Variants in PTPRQ observed in about 807,000 individuals in gnomAD.
PTPRQ encodes phosphatidylinositol phosphatase PTPRQ.
PTPRQ carries 199 observed loss-of-function variants against 246.0 expected under a neutral mutation model. That is an observed-to-expected ratio of 0.81 (90% confidence interval 0.72 to 0.91). PTPRQ has a LOEUF of 0.91. Ranked by LOEUF, PTPRQ falls within the 40% of genes least tolerant of loss-of-function variation. The pLI is 0.00. For missense variants in PTPRQ, 2,624 were observed against 2,528.4 expected (o/e 1.04, Z -0.81); for synonymous variants, 869 against 853.2 (o/e 1.02, Z -0.32).
chr12:80,543,936 G>C (rs975425531), intron 23 of PTPRQ, among the ~76,000 whole-genome samples: 1 of 152,042 alleles, frequency 6.6e-6, no homozygotes, highest in Admixed American at 6.6e-5. Context: ...TGCTTTGTCT[G>C]TATGGGTCAC....
At chr12:80,570,218 G>A (rs893283671) in intron 25 of PTPRQ, among the ~76,000 whole-genome samples, 2 of 152,124 alleles carry the variant, frequency 1.3e-5, no homozygotes, top group Non-Finnish European at 2.9e-5. Flanking sequence ...AAGTGTTCCT[G>A]TTTCTCCACA....
At chr12:80,457,229 A>G (rs1051209669) in intron 3 of PTPRQ, among the ~76,000 whole-genome samples, 10 of 152,098 alleles carry the variant, frequency 6.6e-5, no homozygotes, top group African/African-American at 2.4e-4. Context: ...CATTTGTTAC[A>G]GAAATAATTG....
At chr12:80,457,228 C>T (rs1188768391) in intron 3 of PTPRQ, among the ~76,000 whole-genome samples, 1 of 151,890 alleles carries the variant, frequency 6.6e-6, no homozygotes, top group African/African-American at 2.4e-5. Flanking sequence ...GCATTTGTTA[C>T]AGAAATAATT....
At chr12:80,648,506 G>A (rs1200998152) in intron 35 of PTPRQ, among the ~76,000 whole-genome samples, 1 of 151,866 alleles carries the variant, frequency 6.6e-6, no homozygotes, top group Non-Finnish European at 1.5e-5. Flanking sequence ...ATTCTGTCTG[G>A]TTCAACACTT....
chr12:80,546,224 C>T (rs1016880103), intron 23 of PTPRQ, among the ~76,000 whole-genome samples: 3 of 151,648 alleles, frequency 2.0e-5, no homozygotes, highest in African/African-American at 2.4e-5. Context: ...GAGGCTGAGG[C>T]AGGGAGAATG....
In PTPRQ at chr12:80,576,713, T is replaced by A. The variant is rs541307699; in HGVS notation, c.4286-11416T>A. Among the ~76,000 whole-genome samples the A allele has an allele frequency of 1.1e-4, 16 of 152,244 alleles. 2 individuals carry two copies. The highest frequency in any genetic ancestry group is 3.9e-4 in the African/African-American group (16 of 41,542). ...CTATTGATATAGACTCAATTCTTCA[T>A]CTCTGGTGTTTTGATAATATGAGTA... On this transcript the variant is annotated intron_variant, in intron 25 of 44. Coordinates refer to ENST00000644991, the MANE Select transcript of PTPRQ (RefSeq NM_001145026.2).
At chr12:80,471,627 G>T (rs1252881784) in intron 7 of PTPRQ, among the ~76,000 whole-genome samples, 1 of 130,088 alleles carries the variant, frequency 7.7e-6, no homozygotes, top group Non-Finnish European at 1.6e-5. Context: ...ACAGGCGCGC[G>T]CCACTACGCC....
At chr12:80,667,660 G>A (rs932556677) in intron 39 of PTPRQ, among the ~76,000 whole-genome samples, 7 of 151,922 alleles carry the variant, frequency 4.6e-5, no homozygotes, top group Non-Finnish European at 8.8e-5. Flanking sequence ...ATTCAGTGGA[G>A]AATGTGCATA....
chr12:80,499,321 G>A (rs1894726278), intron 14 of PTPRQ, among the ~76,000 whole-genome samples: 1 of 151,908 alleles, frequency 6.6e-6, no homozygotes, highest in Non-Finnish European at 1.5e-5. Context: ...CTCAAGTTCT[G>A]TGCATTTTCC....
Position 80,660,359 on chromosome 12 carries a change from G to A in PTPRQ, c.6192+2298G>A, listed in dbSNP as rs188980999. Among the ~76,000 whole-genome samples, 6 of 152,164 alleles carry A rather than the reference G, an allele frequency of 3.9e-5. No homozygotes were observed. In the East Asian group the frequency reaches 1.2e-3, roughly 29 times the overall value. The stretch of plus-strand genomic sequence containing the variant: ...TAACTAGGTTAACATGCCAATGTGT[G>A]TTTTCCTCTGCCGTTGGCCATTCTC... On this transcript the variant is annotated intron_variant, in intron 39 of 44. Coordinates refer to ENST00000644991, the MANE Select transcript of PTPRQ (RefSeq NM_001145026.2).
chr12:80,459,209 T>A (rs535217333), intron 4 of PTPRQ, 75 bp from the exon 5 acceptor site: 41 of 397,130 alleles, frequency 1.0e-4, no homozygotes, highest in Non-Finnish European at 1.8e-4. Context: ...TAATTTCATG[T>A]ACCATGAAAT....
At chr12:80,535,341 C>T (rs1183806075) in intron 19 of PTPRQ, among the ~76,000 whole-genome samples, 2 of 152,106 alleles carry the variant, frequency 1.3e-5, no homozygotes, top group Non-Finnish European at 2.9e-5. Context: ...AATTACACTT[C>T]CTCCAATAAG....
chr12:80,590,769 C>T (rs1163114120), intron 26 of PTPRQ, among the ~76,000 whole-genome samples: 1 of 151,124 alleles, frequency 6.6e-6, no homozygotes, highest in Non-Finnish European at 1.5e-5. Context: ...TATGACCTGG[C>T]TTTTACCTTA....
chr12:80,460,305 T>G (rs1165879700), intron 5 of PTPRQ, among the ~76,000 whole-genome samples: 1 of 152,198 alleles, frequency 6.6e-6, no homozygotes, highest in Non-Finnish European at 1.5e-5. Flanking sequence ...GAAAGCAGCA[T>G]TTGAACATAC....
intron 3 of PTPRQ, among the ~76,000 whole-genome samples, chr12:80,450,944 G>A (rs1248673486): frequency 2.6e-5 from 4 of 152,216 alleles, no homozygotes. Flanking sequence ...AATAGTTTCA[G>A]AAGGAATAGT....
chr12:80,503,141 T>G (rs1894854672), intron 14 of PTPRQ, among the ~76,000 whole-genome samples: 1 of 151,818 alleles, frequency 6.6e-6, no homozygotes, highest in Admixed American at 6.6e-5. Flanking sequence ...TTAGTGAGAC[T>G]ATGGTAGAAA....
rs541931844 is a variant in PTPRQ at position 80,480,559 on chromosome 12, C to A, written c.1187-3874C>A. Among the ~76,000 whole-genome samples, 819 of 145,258 alleles carry A rather than the reference C, an allele frequency of 5.6e-3. 12 individuals are homozygous for A. The highest frequency in any genetic ancestry group is 0.02 in the African/African-American group (794 of 38,938). ...TGAAGGAAACAGAGACACAAAAAAC[C>A]CTTCAAAAAATCAATGAATCCAGGA... On this transcript the variant is annotated intron_variant, in intron 8 of 44. Coordinates refer to ENST00000644991, the MANE Select transcript of PTPRQ (RefSeq NM_001145026.2).
chr12:80,674,111 T>C (rs1901060372), intron 43 of PTPRQ, among the ~76,000 whole-genome samples: 1 of 152,136 alleles, frequency 6.6e-6, no homozygotes, highest in Non-Finnish European at 1.5e-5. Context: ...AGAGCCAAAA[T>C]TCAAGCCCTA....
At chr12:80,563,033 A>T (rs1896873875) in intron 25 of PTPRQ, among the ~76,000 whole-genome samples, 1 of 152,132 alleles carries the variant, frequency 6.6e-6, no homozygotes, top group Admixed American at 6.6e-5. Context: ...CACCTACTAC[A>T]CTATACTCCC....
Sources: allele counts gnomAD v4.1 joint callset (sites outside exome capture counted in the v4.1 genomes callset), GRCh38; gene constraint gnomAD v4.1.1; transcripts MANE v1.5; gene names NCBI Gene and HGNC (gene_info 2026-07-23, HGNC 2026-07-21).